The following EGFL6 variants were observed in gnomAD, a reference collection of about 807,000 sequenced individuals.
EGFL6 encodes EGF like domain multiple 6.
EGFL6 carries 42 observed loss-of-function variants against 43.1 expected under a neutral mutation model. That is an observed-to-expected ratio of 0.98 (90% CI 0.76 to 1.26). EGFL6 has a LOEUF of 1.26. Among genes scored for constraint, EGFL6 ranks in the 50% most tolerant of loss-of-function variants. The pLI is 0.00. For missense variants in EGFL6, 429 were observed against 427.8 expected (o/e 1.00, Z -0.02); for synonymous variants, 164 against 163.2 (o/e 1.01, Z -0.04).
At chrX:13,582,512 A>G (rs2045512833) in intron 1 of EGFL6, among the ~76,000 whole-genome samples, 1 of 111,616 alleles carries the variant, frequency 9.0e-6, no homozygotes, top group South Asian at 3.8e-4. Context: ...AGAAATCTTA[A>G]TTTATTAACA....
rs747809398 is a variant in EGFL6, at chrX:13,607,382, C to T, written c.655+869C>T. Among the ~76,000 whole-genome samples the T allele has an allele frequency of 3.6e-5, 4 of 111,979 alleles. No individual in the cohort carries two copies. The South Asian group carries it at 1.5e-3, about 42-fold the overall frequency. ...CCTATACTCAGGGCTTCCCAGGACA[C>T]GTCTTGTGTAATCATGTTGGGACAA... On this transcript the variant is annotated intron_variant, in intron 6 of 11. Transcript: ENST00000361306.
chrX:13,603,088 G>T (rs560030004), intron 4 of EGFL6, among the ~76,000 whole-genome samples: 1 of 111,556 alleles, frequency 9.0e-6, no homozygotes, highest in South Asian at 3.8e-4. Context: ...GTCAAATTCA[G>T]TGAAGTGGCC....
intron 1 of EGFL6, among the ~76,000 whole-genome samples, chrX:13,577,916 G>T (rs761451382): frequency 8.9e-6 from 1 of 112,006 alleles, no homozygotes; most frequent in East Asian, 2.8e-4. Flanking sequence ...AAGTTAACAC[G>T]ATCGTGACTA....
At chrX:13,598,472 C>T (rs978634717) in intron 3 of EGFL6, among the ~76,000 whole-genome samples, 5 of 111,365 alleles carry the variant, frequency 4.5e-5, no homozygotes, top group Middle Eastern at 4.6e-3. Flanking sequence ...TTTCCAAAGG[C>T]GACATCCTCT....
At chrX:13,623,721 C>G in intron 9 of EGFL6, 103 bp from the exon 10 acceptor site, 1 of 581,639 alleles carries the variant, frequency 1.7e-6, no homozygotes, top group South Asian at 2.7e-5. Flanking sequence ...ATGATCTGTA[C>G]TCTGTGCGAC....
chrX:13,618,424 C>A (rs904076690), intron 8 of EGFL6, among the ~76,000 whole-genome samples: 2 of 112,856 alleles, frequency 1.8e-5, no homozygotes, highest in Non-Finnish European at 3.7e-5. Flanking sequence ...CATGGATCTG[C>A]TAAGCTCTAC....
chrX:13,580,231 C>T (rs772327171), intron 1 of EGFL6, among the ~76,000 whole-genome samples: 35 of 111,487 alleles, frequency 3.1e-4, no homozygotes, highest in Admixed American at 2.8e-3. Context: ...TAATCTCTGA[C>T]CCTATTTTCT....
At chrX:13,590,754 G>T (rs975196916) in intron 2 of EGFL6, among the ~76,000 whole-genome samples, 1 of 111,810 alleles carries the variant, frequency 8.9e-6, no homozygotes, top group African/African-American at 3.3e-5. Context: ...AAAACCTTCT[G>T]CCATCATAGT....
intron 11 of EGFL6, 36 bp from the exon 12 acceptor site, chrX:13,632,948 GT>G: frequency 8.8e-7 from 1 of 1,140,903 alleles, no homozygotes; most frequent in South Asian, 1.8e-5. Context: ...GTTTTGAACA[GT>G]TTGGAGTAAT....
intron 9 of EGFL6, among the ~76,000 whole-genome samples, chrX:13,620,907 G>A (rs763119098): frequency 2.7e-5 from 3 of 111,493 alleles, no homozygotes; most frequent in Non-Finnish European, 5.6e-5. Context: ...TTTTGCACAT[G>A]ACCATATGAC....
chrX:13,582,387 A>G (rs540483123), intron 1 of EGFL6, among the ~76,000 whole-genome samples: 1 of 111,165 alleles, frequency 9.0e-6, no homozygotes, highest in Admixed American at 9.6e-5. Flanking sequence ...AATTACTTCC[A>G]TTTTTTAACA....
intron 7 of EGFL6, among the ~76,000 whole-genome samples, chrX:13,609,068 C>T (rs1199165663): frequency 1.8e-5 from 2 of 112,443 alleles, no homozygotes; most frequent in Non-Finnish European, 3.8e-5. Flanking sequence ...TAAAATGTCA[C>T]TGCTATTAAT....
chrX:13,569,710 T>A lies in EGFL6; in HGVS notation c.-152T>A. The A allele has an allele frequency of 1.9e-6, 1 of 524,147 alleles. No homozygotes were observed. Among genetic ancestry groups the A allele is most frequent in the South Asian group, 3.2e-5 (1 of 31,136 alleles). 43.2% of individuals were successfully genotyped at this position (524,147 alleles called of 1,213,427 possible). ...CCCTGCCGCGGTGCCTGGCCTCCCC[T>A]CCCAGACTGCAGGGACAGCACCCGG... On this transcript the variant is annotated 5_prime_UTR_variant, in exon 1 of 12. Coordinates refer to ENST00000361306, the MANE Select transcript of EGFL6 (RefSeq NM_015507.4).
intron 3 of EGFL6, among the ~76,000 whole-genome samples, chrX:13,597,198 G>A (rs1374143242): frequency 8.9e-6 from 1 of 111,895 alleles, no homozygotes; most frequent in Non-Finnish European, 1.9e-5. Context: ...ATTCAGAAAG[G>A]GTCCCCAGTC....
chrX:13,589,577 A>G lies in EGFL6; in HGVS notation c.96A>G (p.Leu32=), dbSNP rs2045552052. 1 of 1,209,243 alleles carries G rather than the reference A, an allele frequency of 8.3e-7. No individual in the cohort carries two copies. Among genetic ancestry groups the G allele is most frequent in the African/African-American group, 1.7e-5 (1 of 57,179 alleles). The part of the protein sequence containing the change: ...NAASARHHGL[L]ASARQPGVCH... Reference sequence around the variant, plus strand: ...GCAGTGCAAGGCATCACGGGTTGTTAGCATCGGCACGTCAGCCTGGGGTCT... The same window carrying G: ...GCAGTGCAAGGCATCACGGGTTGTTGGCATCGGCACGTCAGCCTGGGGTCT... Residue 32 remains leucine, a synonymous_variant, in exon 2 of 12, where the codon TTA becomes TTG. Coordinates refer to ENST00000361306, the MANE Select transcript of EGFL6 (RefSeq NM_015507.4).
chrX:13,607,957 G>A (rs192269511), intron 6 of EGFL6, among the ~76,000 whole-genome samples: 1 of 112,473 alleles, frequency 8.9e-6, no homozygotes, highest in East Asian at 2.8e-4. Context: ...TCTTGCCTTT[G>A]TTTGTTAGGA....
chrX:13,600,280 C>CTTCTTTTTTTTTTTTTTTTTTT (rs1326551826), intron 4 of EGFL6, among the ~76,000 whole-genome samples, 186 bp downstream of exon 4: 24 of 44,284 alleles, frequency 5.4e-4, no homozygotes, highest in East Asian at 1.0e-3. Flanking sequence ...TTTCTTTCTT[C>CTTCTTTTTTTTTTTTTTTTTTT]TTTTTTTTTT....
intron 10 of EGFL6, among the ~76,000 whole-genome samples, chrX:13,625,983 C>CT (rs1217393258): frequency 1.8e-5 from 2 of 110,146 alleles, no homozygotes; most frequent in Non-Finnish European, 3.8e-5. Flanking sequence ...TCAAAGCGGA[C>CT]TTTATCTGGG....
chrX:13,577,840 G>T (rs2045482501), intron 1 of EGFL6, among the ~76,000 whole-genome samples: 1 of 112,247 alleles, frequency 8.9e-6, no homozygotes, highest in Admixed American at 9.4e-5. Context: ...ACTGAGCCAA[G>T]GAGTTTGGAC....
Sources: allele counts gnomAD v4.1 joint callset (sites outside exome capture counted in the v4.1 genomes callset), GRCh38; gene constraint gnomAD v4.1.1; transcripts MANE v1.5; gene names NCBI Gene and HGNC (gene_info 2026-07-23, HGNC 2026-07-21).